The following ZNF432 variants were observed in gnomAD, a reference collection of about 807,000 sequenced individuals.
The protein encoded by ZNF432 is zinc finger protein 432.
ZNF432 carries 10 observed loss-of-function variants against 13.9 expected under a neutral mutation model. The observed-to-expected ratio is 0.72, with a 90% confidence interval of 0.44 to 1.22. ZNF432 has a LOEUF of 1.22. Ranked by LOEUF, ZNF432 falls within the 50% of genes most tolerant of loss-of-function variation. The probability of loss-of-function intolerance (pLI) is 0.00; values close to 1 mark genes in which losing one functional copy is unlikely to be tolerated. For synonymous variants in ZNF432, 247 were observed against 256.2 expected, an observed-to-expected ratio of 0.96 and a Z score of 0.34; for missense variants, 793 against 796.2, an observed-to-expected ratio of 1.00 and a Z score of 0.05.
At chr19:52,036,979 A>C (rs1200721060) in intron 4 of ZNF432, among the ~76,000 whole-genome samples, 1 of 152,162 alleles carries the variant, frequency 6.6e-6, no homozygotes, top group Non-Finnish European at 1.5e-5. Flanking sequence ...CCAGGATACC[A>C]TGTTGAGAAG....
chr19:52,039,097 A>G (rs978559695), intron 4 of ZNF432, among the ~76,000 whole-genome samples: 2 of 152,238 alleles, frequency 1.3e-5, no homozygotes, highest in Non-Finnish European at 2.9e-5. Context: ...CTAGTTGTCA[A>G]TACTCTGTAC....
chr19:52,042,203 G>T (rs907564460), intron 2 of ZNF432, among the ~76,000 whole-genome samples: 2 of 151,996 alleles, frequency 1.3e-5, no homozygotes, highest in Non-Finnish European at 2.9e-5. Flanking sequence ...TTAACAGAAA[G>T]GTTATATTAA....
At chr19:52,042,600 T>C (rs1314080573) in intron 2 of ZNF432, among the ~76,000 whole-genome samples, 1 of 152,036 alleles carries the variant, frequency 6.6e-6, no homozygotes, top group Non-Finnish European at 1.5e-5. Context: ...TGACAGAAAG[T>C]ATGAAGGAGA....
At chr19:52,043,672 C>G (rs1215049890) in intron 2 of ZNF432, among the ~76,000 whole-genome samples, 2 of 152,152 alleles carry the variant, frequency 1.3e-5, no homozygotes, top group Admixed American at 6.5e-5. Context: ...GTATAAAACC[C>G]GATTGTATGC....
chr19:52,038,643 T>C (rs1044153187), intron 4 of ZNF432, among the ~76,000 whole-genome samples: 2 of 152,224 alleles, frequency 1.3e-5, no homozygotes, highest in African/African-American at 4.8e-5. Context: ...AATCTAGATA[T>C]GCCTTGTGCA....
Position 52,034,417 on chromosome 19 carries a change from C to G in ZNF432, c.1262G>C (p.Arg421Thr), listed in dbSNP as rs1270793697. 6.2e-7 allele frequency: 1 copy of G among 1,613,790 alleles called. No homozygotes were observed. The highest frequency in any genetic ancestry group is 8.5e-7 in the Non-Finnish European group (1 of 1,179,988). The change falls in exon 5 of 5, where the codon AGA becomes ACA. Residue 421 changes from arginine (R) to threonine (T), a missense_variant. Transcript: ENST00000221315. ...PRKSNLIVHQ[R>T]NHTVEKSYLC... ...ATATGACTTCTCTACTGTATGATTT[C>G]TCTGATGTACAATAAGATTACTCTT... is the stretch of plus-strand genomic sequence containing the variant.
rs1346461836 is a variant in ZNF432, at chr19:52,035,182, A to C, written c.497T>G (p.Leu166Arg). 2 of 1,613,460 alleles carry C rather than the reference A, an allele frequency of 1.2e-6. No homozygotes were observed. Among genetic ancestry groups the C allele is most frequent in the Non-Finnish European group, 1.7e-6 (2 of 1,179,896 alleles). ...ATAAAGTTCTTCATAGTTACCATGA[A>C]GAAATGATTTCCCATCTCCACTAAA... ...TKFSGDGKSF[L>R]HGNYEELYSA... is the part of the protein sequence containing the mutation. The change falls in exon 5 of 5, where the codon CTT (leucine) becomes CGT (arginine). Residue 166 changes from leucine (L) to arginine (R), a missense_variant. Leu to Arg is a moderately radical substitution (Grantham distance 102, BLOSUM62 -2). Transcript: ENST00000221315.
At chr19:52,038,748 A>C (rs1243981937) in intron 4 of ZNF432, among the ~76,000 whole-genome samples, 1 of 152,180 alleles carries the variant, frequency 6.6e-6, no homozygotes, top group Admixed American at 6.5e-5. Context: ...TTTTATGGTA[A>C]TCTTCTGTGT....
At chr19:52,035,484 G>C (rs1417815907) in intron 4 of ZNF432, 44 bp from the exon 5 acceptor site, 3 of 1,395,992 alleles carry the variant, frequency 2.1e-6, no homozygotes, top group Middle Eastern at 3.9e-4. Context: ...ATCTTGTTGG[G>C]GATAAAACTG....
chr19:52,032,740 G>GT lies in ZNF432; in HGVS notation c.*979dup, dbSNP rs2087027378. On this transcript the variant is annotated 3_prime_UTR_variant, in exon 5 of 5. Transcript: ENST00000221315. ...TGCAAGCCACCATGCCCGGCATTAT[G>GT]TATCATTTTCATGAGACTTTTTTAC... 1.3e-5 allele frequency: 2 copies of GT among 152,162 alleles called. No homozygotes were observed. Among genetic ancestry groups the GT allele is most frequent in the Admixed American group, 6.5e-5 (1 of 15,270 alleles). 9.4% of individuals were successfully genotyped at this position (152,162 alleles called of 1,614,324 possible). A position where few individuals can be genotyped will look rare whatever the true frequency, so the allele number is the denominator to read the frequency against.
At position 52,046,924 on chromosome 19, in the gene ZNF432, TG is replaced by T; in HGVS notation, c.-57del. 3 of 1,593,748 alleles carry T rather than the reference TG, an allele frequency of 1.9e-6. No homozygotes were observed. The South Asian group carries it at 3.4e-5, about 18-fold the overall frequency. On this transcript the variant is annotated 5_prime_UTR_variant, in exon 2 of 5. Transcript: ENST00000221315. ...TGGGATACTCTGTCTTTGTCTCCTC[TG>T]GATCTGCCTTAAATTTCTATTTAGA...
chr19:52,034,554 G>A lies in ZNF432; in HGVS notation c.1125C>T (p.Cys375=). The change falls in exon 5 of 5, where the codon TGC becomes TGT. Residue 375 remains cysteine (C), a synonymous_variant. Transcript: ENST00000221315. ...RNHTGEKPYI[C]NECGKGFTMK... is the part of the protein sequence containing the mutation. ...TGGTGAAGCCTTTCCCACATTCATT[G>A]CATATATATGGTTTCTCTCCTGTAT... 6.2e-7 allele frequency: 1 copy of A among 1,613,374 alleles called. No homozygotes were observed. The highest frequency in any genetic ancestry group is 8.5e-7 in the Non-Finnish European group (1 of 1,179,976).
At chr19:52,037,789 TAA>T (rs74391730) in intron 4 of ZNF432, among the ~76,000 whole-genome samples, 45 of 112,098 alleles carry the variant, frequency 4.0e-4, no homozygotes, top group Non-Finnish European at 3.4e-4. Context: ...GACTCTACCT[TAA>T]AAAAAAAAAA....
rs2087028904 is a variant in ZNF432 at position 52,032,847 on chromosome 19, T to C, written c.*873A>G. ...ATGAAGTAATGATGATGAGGCAGCA[T>C]GTATCACTGAAATCCTCGTGTATTC... On this transcript the variant is annotated 3_prime_UTR_variant, in exon 5 of 5. Transcript: ENST00000221315. The C allele has an allele frequency of 6.6e-6, 1 of 152,248 alleles. No individual in the cohort carries two copies. Among genetic ancestry groups the C allele is most frequent in the South Asian group, 2.1e-4 (1 of 4,834 alleles). The allele number at this position is 152,248 out of a possible 1,614,324, so 9.4% of individuals were successfully genotyped here.
Position 52,034,826 on chromosome 19 carries a change from C to A in ZNF432, c.853G>T (p.Gly285Ter). The change falls in exon 5 of 5, where the codon GGA (glycine) becomes TGA (stop). Residue 285 changes from glycine (G) to a stop codon, truncating the protein, a stop_gained. Transcript: ENST00000221315. LOFTEE classifies it low-confidence loss of function (END_TRUNC). The stretch of plus-strand genomic sequence containing the variant: ...TCATTGCATATGTAGGGTTTCTCTC[C>A]AGTATGAGTTCGCTGATGTTCAATC... ...RLIEHQRTHT[G>*]EKPYICNECG... 6.2e-7 allele frequency: 1 copy of A among 1,613,448 alleles called. No homozygotes were observed. Among genetic ancestry groups the A allele is most frequent in the Non-Finnish European group, 8.5e-7 (1 of 1,179,658 alleles).
In ZNF432 at chr19:52,035,213, TAG is replaced by T. The variant is rs764432850; in HGVS notation, c.464_465del (p.Ser155TyrfsTer2). The part of the protein sequence containing the change: ...NQNKSCEINN[S>X]TKFSGDGKSF... ...GATTTCCCATCTCCACTAAATTTAG[TAG>T]AGTTGTTAATTTCACAGCTTTTGTT... is the stretch of plus-strand genomic sequence containing the variant. On this transcript the variant is annotated frameshift_variant, in exon 5 of 5. Coordinates refer to ENST00000221315, the MANE Select transcript of ZNF432 (RefSeq NM_014650.4). LOFTEE classifies it low-confidence loss of function (END_TRUNC). The T allele has an allele frequency of 6.2e-7, 1 of 1,610,188 alleles. No homozygotes were observed. The highest frequency in any genetic ancestry group is 8.5e-7 in the Non-Finnish European group (1 of 1,179,030).
At chr19:52,036,193 A>T (rs2087079450) in intron 4 of ZNF432, among the ~76,000 whole-genome samples, 1 of 152,234 alleles carries the variant, frequency 6.6e-6, no homozygotes, top group Non-Finnish European at 1.5e-5. Context: ...TATTTGTCAA[A>T]TGACTCCTAT....
At chr19:52,038,052 T>G (rs948869100) in intron 4 of ZNF432, among the ~76,000 whole-genome samples, 3 of 152,200 alleles carry the variant, frequency 2.0e-5, no homozygotes, top group African/African-American at 7.2e-5. Flanking sequence ...TAGCAACATA[T>G]TTTATGAAAA....
chr19:52,033,551 A>T lies in ZNF432; in HGVS notation c.*169T>A, dbSNP rs1414456328. The stretch of plus-strand genomic sequence containing the variant: ...ATCAAAGAATTCAGAGCCTGAATTC[A>T]TGTTGAAGCCTTTCTGACATTGATA... On this transcript the variant is annotated 3_prime_UTR_variant, in exon 5 of 5. Transcript: ENST00000221315. 2.8e-6 allele frequency: 2 copies of T among 717,312 alleles called. No individual in the cohort carries two copies. Among genetic ancestry groups the T allele is most frequent in the African/African-American group, 1.8e-5 (1 of 56,586 alleles). 44.4% of individuals were successfully genotyped at this position (717,312 alleles called of 1,614,324 possible).
Sources: gnomAD v4.1 joint callset for allele counts (sites outside exome capture counted in the v4.1 genomes callset) on GRCh38, gnomAD v4.1.1 for gene constraint, MANE v1.5 for transcripts, NCBI Gene and HGNC (gene_info 2026-07-23, HGNC 2026-07-21) for gene names.